ADGRB3: variants seen among roughly 807,000 people sequenced by gnomAD.
ADGRB3 encodes adhesion G protein-coupled receptor B3.
A neutral mutation model predicts 193.4 loss-of-function variants in ADGRB3; 37 were observed. The observed-to-expected ratio is 0.19, with a 90% CI of 0.15 to 0.25. ADGRB3 has a LOEUF of 0.25. ADGRB3 is among the 10% of genes least tolerant of loss of function. The pLI is 1.00. For missense variants in ADGRB3, 1,637 were observed against 1,852.9 expected (o/e 0.88, Z 2.14); for synonymous variants, 690 against 644.2 (o/e 1.07, Z -1.08).
chr6:69,056,975 G>A (rs774567823), intron 15 of ADGRB3, among the ~76,000 whole-genome samples: 3 of 151,946 alleles, frequency 2.0e-5, no homozygotes, highest in Non-Finnish European at 2.9e-5. Context: ...AATACCATTT[G>A]GATAGATTGC....
intron 3 of ADGRB3, among the ~76,000 whole-genome samples, chr6:68,810,329 C>A: frequency 6.6e-6 from 1 of 152,168 alleles, no homozygotes; most frequent in South Asian, 2.1e-4. Flanking sequence ...CCACCAACCC[C>A]AACCCAAATG....
chr6:69,011,165 G>GTA (rs1348937444), intron 11 of ADGRB3, among the ~76,000 whole-genome samples: 105 of 133,226 alleles, frequency 7.9e-4, no homozygotes, highest in Admixed American at 2.2e-3. Flanking sequence ...GTGTGTGTGT[G>GTA]TGTATATATA....
intron 3 of ADGRB3, among the ~76,000 whole-genome samples, chr6:68,930,133 A>G (rs1028084578): frequency 6.6e-6 from 1 of 151,826 alleles, no homozygotes; most frequent in African/African-American, 2.4e-5. Flanking sequence ...TACAGGACTG[A>G]GTAATCTAGT....
Position 69,360,878 on chromosome 6 carries a change from A to G in ADGRB3, c.3605A>G (p.Lys1202Arg). The G allele has an allele frequency of 1.3e-6, 2 of 1,593,410 alleles. No homozygotes were observed. The highest frequency in any genetic ancestry group is 1.7e-6 in the Non-Finnish European group (2 of 1,170,340). The change falls in exon 29 of 32, where the codon AAG (lysine) becomes AGG (arginine). Residue 1202 changes from lysine to arginine, a missense_variant. Around this residue, in one of 7 missense-constraint regions of ADGRB3, gnomAD observed 116 missense variants for 168.1 expected, o/e 0.69. Transcript: ENST00000370598. ...VDIACRSVLH[K>R]DIGPCRAATI... The stretch of plus-strand genomic sequence containing the variant: ...ACATTCCTACTCACAGTTCTTCATA[A>G]GGATATTGGTCCTTGCCGAGCAGCC...
At chr6:68,718,588 T>C in intron 3 of ADGRB3, among the ~76,000 whole-genome samples, 1 of 151,816 alleles carries the variant, frequency 6.6e-6, no homozygotes, top group South Asian at 2.1e-4. Flanking sequence ...TATTTACTTA[T>C]TGAGGTCATA....
intron 3 of ADGRB3, among the ~76,000 whole-genome samples, chr6:68,880,043 T>C (rs961983751): frequency 6.6e-6 from 1 of 152,228 alleles, no homozygotes; most frequent in African/African-American, 2.4e-5. Flanking sequence ...TTGTGTGTCA[T>C]GACACCTTGA....
chr6:69,298,620 G>A (rs1767883439), intron 20 of ADGRB3, among the ~76,000 whole-genome samples: 1 of 151,918 alleles, frequency 6.6e-6, no homozygotes, highest in African/African-American at 2.4e-5. Context: ...TCACATTTGA[G>A]TGAGAACATG....
intron 17 of ADGRB3, among the ~76,000 whole-genome samples, chr6:69,175,777 GT>G (rs1459707794): frequency 6.6e-6 from 1 of 152,138 alleles, no homozygotes; most frequent in Non-Finnish European, 1.5e-5. Flanking sequence ...AGCAAGGAAT[GT>G]TTTTTCCATT....
intron 17 of ADGRB3, among the ~76,000 whole-genome samples, chr6:69,172,752 G>T (rs965979184): frequency 1.3e-5 from 2 of 151,834 alleles, no homozygotes; most frequent in African/African-American, 4.8e-5. Flanking sequence ...AATAAGAGGG[G>T]CTACTTTGTG....
intron 11 of ADGRB3, among the ~76,000 whole-genome samples, chr6:68,996,030 G>C (rs1366027162): frequency 6.6e-6 from 1 of 152,024 alleles, no homozygotes; most frequent in Non-Finnish European, 1.5e-5. Flanking sequence ...CGTTACTTTA[G>C]TTTTTGCCAT....
At chr6:69,093,287 G>T (rs1772769387) in intron 17 of ADGRB3, among the ~76,000 whole-genome samples, 1 of 151,854 alleles carries the variant, frequency 6.6e-6, no homozygotes. Context: ...AGAGGGTTGG[G>T]CAGCCTAGGG....
intron 10 of ADGRB3, among the ~76,000 whole-genome samples, chr6:68,985,770 A>C (rs1769052205): frequency 6.6e-6 from 1 of 152,128 alleles, no homozygotes; most frequent in African/African-American, 2.4e-5. Flanking sequence ...AGCATAATCT[A>C]TCCTATTCTG....
chr6:69,036,720 G>A (rs2150296135), intron 13 of ADGRB3, among the ~76,000 whole-genome samples: 1 of 152,234 alleles, frequency 6.6e-6, no homozygotes, highest in Admixed American at 6.5e-5. Context: ...TAGTTAGAAA[G>A]AAAAAGCCCT....
At chr6:68,729,206 G>A (rs1475524927) in intron 3 of ADGRB3, among the ~76,000 whole-genome samples, 5 of 151,514 alleles carry the variant, frequency 3.3e-5, no homozygotes, top group Non-Finnish European at 4.4e-5. Context: ...GTGCTTAGAT[G>A]GTAGAGCTAC....
At chr6:68,785,403 G>A (rs777641746) in intron 3 of ADGRB3, among the ~76,000 whole-genome samples, 65 of 147,206 alleles carry the variant, frequency 4.4e-4, no homozygotes, top group Middle Eastern at 3.5e-3. Context: ...GAGAACATGC[G>A]GTGTTTGGTT....
At chr6:69,134,978 T>C (rs935228541) in intron 17 of ADGRB3, among the ~76,000 whole-genome samples, 2 of 152,018 alleles carry the variant, frequency 1.3e-5, no homozygotes, top group Non-Finnish European at 2.9e-5. Context: ...TAAAACAAAC[T>C]CTGTTTTAGT....
At chr6:68,995,793 C>T (rs1769368682) in intron 11 of ADGRB3, among the ~76,000 whole-genome samples, 1 of 152,148 alleles carries the variant, frequency 6.6e-6, no homozygotes, top group Admixed American at 6.5e-5. Context: ...CCCATCTCTG[C>T]CTGTCATAAT....
At chr6:68,721,780 C>T (rs540743351) in intron 3 of ADGRB3, among the ~76,000 whole-genome samples, 3 of 150,614 alleles carry the variant, frequency 2.0e-5, no homozygotes, top group African/African-American at 7.3e-5. Flanking sequence ...GGTATATATG[C>T]CCAACAAGGT....
intron 13 of ADGRB3, among the ~76,000 whole-genome samples, chr6:69,026,695 A>T (rs1043665299): frequency 6.6e-6 from 1 of 152,234 alleles, no homozygotes; most frequent in African/African-American, 2.4e-5. Flanking sequence ...TTACACGTCT[A>T]GGCTACAGGG....
Sources: allele counts gnomAD v4.1 joint callset (sites outside exome capture counted in the v4.1 genomes callset), GRCh38; gene constraint gnomAD v4.1.1; regional missense constraint gnomAD v4.1.1; transcripts MANE v1.5; gene names NCBI Gene and HGNC (gene_info 2026-07-23, HGNC 2026-07-21).